TCEA1: variants seen among roughly 807,000 people sequenced by gnomAD.
TCEA1 encodes the protein transcription elongation factor A1.
In TCEA1, 21 loss-of-function variants were observed where a neutral mutation model predicts 43.8. That is an observed-to-expected ratio of 0.48 (90% confidence interval 0.34 to 0.69). TCEA1 has a LOEUF of 0.69. Among genes scored for constraint, TCEA1 ranks in the 30% least tolerant of loss-of-function variants. The pLI is 0.01. For synonymous variants in TCEA1, 104 were observed against 117.5 expected (o/e 0.88, Z 0.75); for missense variants, 250 against 365.1 (o/e 0.68, Z 2.57).
intron 3 of TCEA1, among the ~76,000 whole-genome samples, chr8:53,994,094 G>A (rs568690461): frequency 6.6e-6 from 1 of 152,338 alleles, no homozygotes; most frequent in Non-Finnish European, 1.5e-5. Flanking sequence ...GCTCACGCCT[G>A]TAATTCCAGC....
At chr8:53,973,778 T>G in intron 8 of TCEA1, 1 of 443,572 alleles carries the variant, frequency 2.3e-6, no homozygotes, top group Non-Finnish European at 4.3e-6. Context: ...TCAATGTGCA[T>G]CCCTCAGATC....
At chr8:53,998,989 G>A (rs1804158985) in intron 3 of TCEA1, among the ~76,000 whole-genome samples, 1 of 152,136 alleles carries the variant, frequency 6.6e-6, no homozygotes, top group Non-Finnish European at 1.5e-5. Flanking sequence ...AGCACTTTGG[G>A]AGGCCAAGGC....
chr8:53,972,059 T>A (rs1803173368), intron 8 of TCEA1: 2 of 241,772 alleles, frequency 8.3e-6, no homozygotes, highest in Admixed American at 5.2e-5. Context: ...GCACCTCTGA[T>A]GTGAAATCTC....
At chr8:54,014,425 C>G (rs1440887775) in intron 1 of TCEA1, among the ~76,000 whole-genome samples, 1 of 151,958 alleles carries the variant, frequency 6.6e-6, no homozygotes, top group Non-Finnish European at 1.5e-5. Flanking sequence ...GCCTGGATAA[C>G]AGAATGAGAT....
intron 8 of TCEA1, chr8:53,973,506 C>A: frequency 2.0e-6 from 1 of 503,418 alleles, no homozygotes. Context: ...AAAAAGTGAA[C>A]AAAATCTGCA....
At chr8:53,970,963 C>G (rs142352093) in intron 8 of TCEA1, among the ~76,000 whole-genome samples, 1 of 152,124 alleles carries the variant, frequency 6.6e-6, no homozygotes, top group Non-Finnish European at 1.5e-5. Flanking sequence ...AACTTGATAT[C>G]TAATCTATTT....
At chr8:53,970,566 C>A in intron 8 of TCEA1, 103 bp from the exon 9 acceptor site, 2 of 609,086 alleles carry the variant, frequency 3.3e-6, no homozygotes, top group South Asian at 2.5e-5. Context: ...TATAATGGTA[C>A]CACAATAAAA....
At chr8:53,968,992 C>A (rs1021561110) in intron 9 of TCEA1, among the ~76,000 whole-genome samples, 2 of 151,550 alleles carry the variant, frequency 1.3e-5, no homozygotes, top group Non-Finnish European at 2.9e-5. Flanking sequence ...AATCTTTGTA[C>A]GTAATAAGGG....
At chr8:54,011,044 C>G (rs1283303433) in intron 1 of TCEA1, among the ~76,000 whole-genome samples, 1 of 152,214 alleles carries the variant, frequency 6.6e-6, no homozygotes, top group Non-Finnish European at 1.5e-5. Flanking sequence ...CTCAGGTGAT[C>G]TGCCTGCCTT....
intron 3 of TCEA1, among the ~76,000 whole-genome samples, chr8:53,996,693 AAAAAT>A (rs1237717064): frequency 2.6e-5 from 4 of 152,202 alleles, no homozygotes; most frequent in African/African-American, 9.7e-5. Context: ...TGAAACCAAT[AAAAAT>A]AATAGTTATG....
At chr8:53,990,327 C>T (rs963748645) in intron 4 of TCEA1, among the ~76,000 whole-genome samples, 8 of 151,510 alleles carry the variant, frequency 5.3e-5, no homozygotes, top group Non-Finnish European at 8.8e-5. Context: ...AGTGCTTGAG[C>T]CACCGTGCCA....
rs1438402565 is a variant in TCEA1, at chr8:54,013,700, AAAC to A, written c.64-3211_64-3209del. Among the ~76,000 whole-genome samples, 467 of 147,304 alleles carry A rather than the reference AAAC, an allele frequency of 3.2e-3. 6 individuals carry two copies. The highest frequency in any genetic ancestry group is 0.012 in the African/African-American group (447 of 38,096). ...CATCTCAAAAAAAAAAAAAAAAAAA[AAAC>A]AAAAAACAGACAAACAAAAAGAAAT... is the stretch of plus-strand genomic sequence containing the variant. On this transcript the variant is annotated intron_variant, in intron 1 of 9. Coordinates refer to ENST00000521604, the MANE Select transcript of TCEA1 (RefSeq NM_006756.4).
intron 8 of TCEA1, chr8:53,973,112 A>G (rs564895424): frequency 8.2e-5 from 52 of 636,350 alleles, no homozygotes; most frequent in Non-Finnish European, 9.0e-5. Flanking sequence ...AGGAGATAGA[A>G]GAGGAGCTAC....
At position 54,022,251 on chromosome 8, in the gene TCEA1, G is replaced by A; in HGVS notation, c.-126C>T. The A allele has an allele frequency of 2.5e-6, 3 of 1,195,170 alleles. No homozygotes were observed. Among genetic ancestry groups the A allele is most frequent in the Admixed American group, 2.1e-5 (1 of 48,026 alleles). The allele number at this position is 1,195,170 out of a possible 1,614,324, so 74.0% of individuals were successfully genotyped here. A position where few individuals can be genotyped will look rare whatever the true frequency, so the allele number is the denominator to read the frequency against. ...CCCCACCACCGCAGGCCCGGGCCTA[G>A]GCCCCCTTCCTTACGAACGAAGCCC... is the stretch of plus-strand genomic sequence containing the variant. On this transcript the variant is annotated 5_prime_UTR_variant, in exon 1 of 10. Coordinates refer to ENST00000521604, the MANE Select transcript of TCEA1 (RefSeq NM_006756.4).
chr8:53,972,891 G>T (rs1420942515), intron 8 of TCEA1: 1 of 692,512 alleles, frequency 1.4e-6, no homozygotes, highest in Non-Finnish European at 2.7e-6. Flanking sequence ...TACTTTTGAT[G>T]ATGAGCCGAA....
chr8:53,986,283 C>T (rs1411810722), intron 6 of TCEA1, among the ~76,000 whole-genome samples: 4 of 152,206 alleles, frequency 2.6e-5, no homozygotes, highest in Non-Finnish European at 5.9e-5. Context: ...AGGACAATGA[C>T]CCAAAGCCCA....
rs1331596760 is a variant in TCEA1 at position 53,996,978 on chromosome 8, C to T, written c.232+2967G>A. Among the ~76,000 whole-genome samples the T allele has an allele frequency of 2.7e-5, 4 of 146,912 alleles. No homozygotes were observed. In the East Asian group the frequency reaches 8.6e-4, roughly 32 times the overall value. ...TCAGTGGCGCGATCTCGGCTCAGTGCAAGCTCCGCCTCCCGGGTTCACGCC... is the reference window on the plus strand; with the variant it reads ...TCAGTGGCGCGATCTCGGCTCAGTGTAAGCTCCGCCTCCCGGGTTCACGCC... On this transcript the variant is annotated intron_variant, in intron 3 of 9. Coordinates refer to ENST00000521604, the MANE Select transcript of TCEA1 (RefSeq NM_006756.4).
At chr8:54,008,224 G>A (rs1024740144) in intron 2 of TCEA1, among the ~76,000 whole-genome samples, 1 of 147,608 alleles carries the variant, frequency 6.8e-6, no homozygotes, top group Admixed American at 6.8e-5. Context: ...GAAACAACAG[G>A]GTAAAGAGAC....
intron 4 of TCEA1, among the ~76,000 whole-genome samples, chr8:53,990,599 GTGATCCCCCTACCT>G (rs1404048638): frequency 6.6e-6 from 1 of 152,144 alleles, no homozygotes; most frequent in Non-Finnish European, 1.5e-5. Flanking sequence ...CTGGGCTCAA[GTGATCCCCCTACCT>G]TGACCTCCCA....
Sources: gnomAD v4.1 joint callset for allele counts (sites outside exome capture counted in the v4.1 genomes callset) on GRCh38, gnomAD v4.1.1 for gene constraint, MANE v1.5 for transcripts, NCBI Gene and HGNC (gene_info 2026-07-23, HGNC 2026-07-21) for gene names.